Variants in ARHGAP10 observed in about 807,000 individuals in gnomAD.
ARHGAP10 encodes rho GTPase-activating protein 10.
A neutral mutation model predicts 108.6 loss-of-function variants in ARHGAP10; 87 were observed. That is an observed-to-expected ratio of 0.80 (90% CI 0.67 to 0.96). The LOEUF is 0.96. ARHGAP10 is among the 40% of genes least tolerant of loss of function. ARHGAP10 has a pLI of 0.00. For missense variants in ARHGAP10, 939 were observed against 954.5 expected, an observed-to-expected ratio of 0.98 and a Z score of 0.21; for synonymous variants, 347 against 341.1, an observed-to-expected ratio of 1.02 and a Z score of -0.19.
chr4:147,876,073 A>C (rs1735045318), intron 8 of ARHGAP10, among the ~76,000 whole-genome samples: 1 of 152,222 alleles, frequency 6.6e-6, no homozygotes, highest in African/African-American at 2.4e-5. Flanking sequence ...AGTGGTAGAC[A>C]TGACTCAGGG....
At chr4:147,982,963 C>T (rs1410246968) in intron 18 of ARHGAP10, among the ~76,000 whole-genome samples, 1 of 151,952 alleles carries the variant, frequency 6.6e-6, no homozygotes, top group Non-Finnish European at 1.5e-5. Context: ...TCATTGCAGC[C>T]TCGACTTTCT....
chr4:147,874,103 A>G (rs1734961501), intron 7 of ARHGAP10, among the ~76,000 whole-genome samples: 1 of 151,930 alleles, frequency 6.6e-6, no homozygotes, highest in Non-Finnish European at 1.5e-5. Flanking sequence ...ATCCCTTTAC[A>G]AAAAAGATGT....
At chr4:147,938,823 C>G (rs1351934275) in intron 13 of ARHGAP10, among the ~76,000 whole-genome samples, 3 of 152,282 alleles carry the variant, frequency 2.0e-5, no homozygotes, top group African/African-American at 7.2e-5. Flanking sequence ...AATAAACACA[C>G]AGCCAGAAAG....
intron 1 of ARHGAP10, among the ~76,000 whole-genome samples, chr4:147,820,404 G>C (rs988167350): frequency 5.3e-5 from 8 of 151,908 alleles, no homozygotes; most frequent in African/African-American, 1.9e-4. Flanking sequence ...TCCTGCCTCA[G>C]CCTCCCAAGT....
chr4:147,852,376 G>T (rs1038743158), intron 4 of ARHGAP10, among the ~76,000 whole-genome samples: 1 of 152,164 alleles, frequency 6.6e-6, no homozygotes, highest in African/African-American at 2.4e-5. Context: ...CACCCTTCTG[G>T]GTCTGGATTC....
At chr4:147,764,648 C>T (rs1482518854) in intron 1 of ARHGAP10, among the ~76,000 whole-genome samples, 1 of 152,138 alleles carries the variant, frequency 6.6e-6, no homozygotes, top group Non-Finnish European at 1.5e-5. Context: ...ATTCTCGTGC[C>T]TCAGCCTCCC....
chr4:147,945,039 C>G (rs1216576021), intron 14 of ARHGAP10, among the ~76,000 whole-genome samples: 1 of 152,160 alleles, frequency 6.6e-6, no homozygotes, highest in African/African-American at 2.4e-5. Context: ...ATCTGAAGTT[C>G]AGATAGGTTT....
intron 20 of ARHGAP10, 117 bp from the exon 21 acceptor site, chr4:148,063,031 A>G (rs1729690780): frequency 1.6e-6 from 2 of 1,277,508 alleles, no homozygotes; most frequent in African/African-American, 3.0e-5. Flanking sequence ...CTCTGTCCCT[A>G]CTGGTCAGGC....
intron 18 of ARHGAP10, among the ~76,000 whole-genome samples, chr4:148,001,913 C>T (rs59769427): frequency 0.13 from 20,251 of 152,016 alleles, 2,129 homozygotes; most frequent in African/African-American, 0.29. Context: ...ATTTCTTTCT[C>T]CTGCCTGATT....
chr4:147,754,892 G>A (rs572662626), intron 1 of ARHGAP10, among the ~76,000 whole-genome samples: 51 of 152,148 alleles, frequency 3.4e-4, no homozygotes, highest in Admixed American at 3.0e-3. Context: ...TCAGGAGCTC[G>A]AGACCAGCCT....
intron 13 of ARHGAP10, among the ~76,000 whole-genome samples, chr4:147,936,317 CTTTTTTTTTTTTT>C (rs765432394): frequency 1.0e-5 from 1 of 97,852 alleles, no homozygotes; most frequent in Non-Finnish European, 1.9e-5. Flanking sequence ...CTTTTCCTCT[CTTTTTTTTTTTTT>C]TTTTTTTTTG....
chr4:147,802,606 C>T (rs2126762370), intron 1 of ARHGAP10, among the ~76,000 whole-genome samples: 1 of 152,310 alleles, frequency 6.6e-6, no homozygotes, highest in Middle Eastern at 3.4e-3. Context: ...TGTAATGAAG[C>T]AGCCTGTTGT....
In ARHGAP10 at chr4:147,822,802, C is replaced by T; in HGVS notation, c.230C>T (p.Thr77Ile). Residue 77 changes from threonine (T) to isoleucine (I), a missense_variant, in exon 2 of 23, where the codon ACA (threonine) becomes ATA (isoleucine). By Grantham distance (89) the Thr-to-Ile change is moderately conservative (BLOSUM62 -1). Coordinates refer to ENST00000336498, the MANE Select transcript of ARHGAP10 (RefSeq NM_024605.4). ...TTTGAGTTTATCGGTGATGCTGTGA[C>T]AGATGATGAACGATGCATAGGTAAT... ...FKFEFIGDAV[T>I]DDERCIDASL... The T allele has an allele frequency of 6.2e-7, 1 of 1,614,222 alleles. No individual in the cohort carries two copies. Among genetic ancestry groups the T allele is most frequent in the South Asian group, 1.1e-5 (1 of 91,084 alleles).
chr4:147,953,330 G>A (rs1379542949), intron 15 of ARHGAP10, among the ~76,000 whole-genome samples: 1 of 151,952 alleles, frequency 6.6e-6, no homozygotes, highest in African/African-American at 2.4e-5. Context: ...GGAAGAATTT[G>A]TATAGAATCA....
intron 3 of ARHGAP10, among the ~76,000 whole-genome samples, chr4:147,832,511 G>A (rs566070619): frequency 1.3e-5 from 2 of 151,776 alleles, no homozygotes; most frequent in African/African-American, 4.8e-5. Flanking sequence ...GCCAGTCGTG[G>A]TGGCGGGCAC....
intron 18 of ARHGAP10, among the ~76,000 whole-genome samples, chr4:147,969,291 G>C (rs1302858977): frequency 6.8e-6 from 1 of 147,956 alleles, no homozygotes; most frequent in Non-Finnish European, 1.5e-5. Context: ...GGTAAAAGCA[G>C]CTTGTTTATG....
chr4:147,994,144 A>G (rs1194042827), intron 18 of ARHGAP10, among the ~76,000 whole-genome samples: 2 of 152,236 alleles, frequency 1.3e-5, no homozygotes, highest in Admixed American at 6.5e-5. Flanking sequence ...CAAGAAAAAC[A>G]AGGCTGTATT....
intron 1 of ARHGAP10, among the ~76,000 whole-genome samples, chr4:147,820,465 T>TA (rs2126783723): frequency 6.6e-6 from 1 of 151,676 alleles, no homozygotes; most frequent in Non-Finnish European, 1.5e-5. Context: ...TTTGTGTTTT[T>TA]AGTAGAGATG....
intron 5 of ARHGAP10, 82 bp downstream of exon 5, chr4:147,857,736 A>T: frequency 2.5e-6 from 3 of 1,196,024 alleles, no homozygotes; most frequent in Non-Finnish European, 3.3e-6. Context: ...TAATTTGGAT[A>T]ACTTTTCATC....
Sources: gnomAD v4.1 joint callset for allele counts (sites outside exome capture counted in the v4.1 genomes callset) on GRCh38, gnomAD v4.1.1 for gene constraint, MANE v1.5 for transcripts, NCBI Gene and HGNC (gene_info 2026-07-23, HGNC 2026-07-21) for gene names.